Variants in RAPGEF2 observed in about 807,000 individuals in gnomAD.
The protein encoded by RAPGEF2 is Rap guanine nucleotide exchange factor 2.
Under a neutral mutation model 186.7 loss-of-function variants are expected in RAPGEF2, and 54 were observed. That is an observed-to-expected ratio of 0.29 (90% CI 0.23 to 0.36). The LOEUF is 0.36. Among genes scored for constraint, RAPGEF2 ranks in the 10% least tolerant of loss-of-function variants. The pLI is 1.00. For missense variants in RAPGEF2, 1,532 were observed against 2,045.0 expected (o/e 0.75, Z 4.84); for synonymous variants, 712 against 705.9 (o/e 1.01, Z -0.14).
chr4:159,327,873 CT>C (rs1766153521), intron 11 of RAPGEF2: 1 of 146,322 alleles, frequency 6.8e-6, no homozygotes, highest in Non-Finnish European at 1.5e-5. Flanking sequence ...TTTTTTTTTC[CT>C]TTTTGGATGG....
At chr4:159,245,502 C>G (rs771468526) in intron 7 of RAPGEF2, among the ~76,000 whole-genome samples, 11 of 151,988 alleles carry the variant, frequency 7.2e-5, no homozygotes, top group Non-Finnish European at 1.6e-4. Context: ...TATCTTGGGA[C>G]TTTGGATGGT....
At chr4:159,183,629 G>C (rs1747248893) in intron 1 of RAPGEF2, among the ~76,000 whole-genome samples, 1 of 152,142 alleles carries the variant, frequency 6.6e-6, no homozygotes, top group African/African-American at 2.4e-5. Flanking sequence ...CCATGGAATG[G>C]GAGAAGATAT....
At position 159,353,487 on chromosome 4, in the gene RAPGEF2, G is replaced by T; in HGVS notation, c.4092G>T (p.Gly1364=). The T allele has an allele frequency of 2.1e-6, 3 of 1,456,014 alleles. No individual in the cohort carries two copies. The highest frequency in any genetic ancestry group is 1.7e-5 in the South Asian group (1 of 60,136). 90.2% of individuals were successfully genotyped at this position (1,456,014 alleles called of 1,614,324 possible). A position where few individuals can be genotyped will look rare whatever the true frequency, so the allele number is the denominator to read the frequency against. Residue 1364 remains glycine (G), a splice_region_variant and synonymous_variant, in exon 28 of 30, where the codon GGG becomes GGT. Coordinates refer to ENST00000691494, the MANE Select transcript of RAPGEF2 (RefSeq NM_001394067.2). This position sits in a 1 kb window ranked among gnomAD's most constrained non-coding sequence, Gnocchi z 4.3. ...TTTTCCATTTCTTTTAACCACTTAG[G>T]TCCTATGCACCAATGTCCGAGGGCC... The part of the protein sequence containing the change: ...TMIEPDQYSL[G]SYAPMSEGRG...
intron 1 of RAPGEF2, among the ~76,000 whole-genome samples, chr4:159,106,042 A>G (rs1336679780): frequency 6.6e-6 from 1 of 152,246 alleles, no homozygotes; most frequent in Non-Finnish European, 1.5e-5. Context: ...CACTGTGCCA[A>G]ATAAATGAAC....
At chr4:159,307,107 T>C (rs1037284521) in intron 8 of RAPGEF2, among the ~76,000 whole-genome samples, 3 of 152,208 alleles carry the variant, frequency 2.0e-5, no homozygotes, top group Admixed American at 2.0e-4. Context: ...AAAATAACAT[T>C]ATTCTTACTT....
chr4:159,122,666 T>C (rs1174881750), intron 1 of RAPGEF2, among the ~76,000 whole-genome samples: 1 of 152,238 alleles, frequency 6.6e-6, no homozygotes, highest in Non-Finnish European at 1.5e-5. Context: ...TTTCGTGTCA[T>C]GAGTATGGTT....
intron 7 of RAPGEF2, among the ~76,000 whole-genome samples, chr4:159,263,335 G>C (rs185434981): frequency 6.6e-6 from 1 of 152,224 alleles, no homozygotes; most frequent in East Asian, 1.9e-4. Context: ...ATTTTGCATT[G>C]GCTTAGTGCT....
intron 1 of RAPGEF2, among the ~76,000 whole-genome samples, chr4:159,127,815 A>G (rs557442919): frequency 1.5e-4 from 23 of 152,298 alleles, no homozygotes; most frequent in Admixed American, 1.1e-3. Context: ...AGTTATTTTT[A>G]TTATTTGAAT....
intron 8 of RAPGEF2, among the ~76,000 whole-genome samples, chr4:159,310,548 G>C (rs1763836643): frequency 6.6e-6 from 1 of 151,990 alleles, no homozygotes; most frequent in Admixed American, 6.6e-5. Flanking sequence ...TTGGTTTTAA[G>C]AACTGTGTTC....
At chr4:159,207,173 A>G (rs989761320) in intron 3 of RAPGEF2, among the ~76,000 whole-genome samples, 2 of 152,236 alleles carry the variant, frequency 1.3e-5, no homozygotes, top group African/African-American at 2.4e-5. Context: ...CAGCCTATCT[A>G]TCAGATAAAC....
intron 1 of RAPGEF2, among the ~76,000 whole-genome samples, chr4:159,158,597 G>C (rs1369386228): frequency 6.6e-6 from 1 of 152,064 alleles, no homozygotes; most frequent in Non-Finnish European, 1.5e-5. Context: ...TGTGGGCAGG[G>C]AGAAGTAGGT....
At chr4:159,240,906 A>T (rs1323723199) in intron 5 of RAPGEF2, 1 of 320,756 alleles carries the variant, frequency 3.1e-6, no homozygotes, top group African/African-American at 2.1e-5. Context: ...TCTTTCACTA[A>T]TAAATCAGTA....
chr4:159,182,005 G>A (rs745706373), intron 1 of RAPGEF2, among the ~76,000 whole-genome samples: 5 of 152,176 alleles, frequency 3.3e-5, no homozygotes, highest in Admixed American at 6.5e-5. Context: ...CATTATGATT[G>A]GAGCCTGATT....
At position 159,323,589 on chromosome 4, in the gene RAPGEF2, T is replaced by C. The variant is rs1231598195; in HGVS notation, c.1121T>C (p.Val374Ala). Reference protein sequence around the residue: ...PTMDKEYMKGVMRTKVDDCQF... With the variant: ...PTMDKEYMKGAMRTKVDDCQF... ...ATGGACAAAGAATACATGAAAGGAGTGATGAGAACAAAGGTGGATGACTGC... is the reference window on the plus strand; with the variant it reads ...ATGGACAAAGAATACATGAAAGGAGCGATGAGAACAAAGGTGGATGACTGC... The change falls in exon 11 of 30, where the codon GTG becomes GCG. Residue 374 changes from valine (V) to alanine (A), a missense_variant. Val to Ala is a moderately conservative substitution (Grantham distance 64, BLOSUM62 0). Around this residue, in one of 4 missense-constraint regions of RAPGEF2, gnomAD observed 810 missense variants for 1,210.5 expected, o/e 0.67. Transcript: ENST00000691494. 2.5e-6 allele frequency: 4 copies of C among 1,605,388 alleles called. No individual in the cohort carries two copies. The highest frequency in any genetic ancestry group is 1.7e-6 in the Non-Finnish European group (2 of 1,175,322).
At chr4:159,145,223 G>C (rs1742821946) in intron 1 of RAPGEF2, among the ~76,000 whole-genome samples, 1 of 151,986 alleles carries the variant, frequency 6.6e-6, no homozygotes, top group East Asian at 1.9e-4. Flanking sequence ...TATTCAGAAA[G>C]TAGTGCTGAG....
chr4:159,114,839 A>AG (rs891400012), intron 1 of RAPGEF2, among the ~76,000 whole-genome samples: 1 of 151,896 alleles, frequency 6.6e-6, no homozygotes, highest in South Asian at 2.1e-4. Context: ...GGTAGGAGTG[A>AG]GGGGGTGGAA....
intron 4 of RAPGEF2, among the ~76,000 whole-genome samples, chr4:159,221,568 A>G (rs753534099): frequency 6.6e-6 from 1 of 152,166 alleles, no homozygotes; most frequent in Non-Finnish European, 1.5e-5. Context: ...AATAATATAA[A>G]AACTATCCTT....
chr4:159,317,615 A>G (rs1480673452), intron 9 of RAPGEF2, among the ~76,000 whole-genome samples: 2 of 152,168 alleles, frequency 1.3e-5, no homozygotes, highest in African/African-American at 2.4e-5. Flanking sequence ...TCACTCTCCA[A>G]TTCCCTGTTC....
chr4:159,161,745 GGCA>G (rs1158722631), intron 1 of RAPGEF2, among the ~76,000 whole-genome samples: 1 of 152,050 alleles, frequency 6.6e-6, no homozygotes, highest in Non-Finnish European at 1.5e-5. Flanking sequence ...AGATTGTGAT[GGCA>G]GTTATGATAG....
Sources: gnomAD v4.1 joint callset for allele counts (sites outside exome capture counted in the v4.1 genomes callset) on GRCh38, gnomAD v4.1.1 for gene constraint, gnomAD v4.1.1 regional missense constraint, Gnocchi (gnomAD v3.1) non-coding constraint, MANE v1.5 for transcripts, NCBI Gene and HGNC (gene_info 2026-07-23, HGNC 2026-07-21) for gene names.